The following CLMP variants were observed in gnomAD, a reference collection of about 807,000 sequenced individuals.
CLMP encodes the protein CXADR like cell adhesion molecule.
Under a neutral mutation model 45.2 loss-of-function variants are expected in CLMP, and 27 were observed. The observed-to-expected ratio is 0.60, with a 90% CI of 0.44 to 0.82. The LOEUF is 0.82. CLMP is among the 40% of genes least tolerant of loss of function. The probability of loss-of-function intolerance (pLI) is 0.00; values close to 1 mark genes in which losing one functional copy is unlikely to be tolerated. For missense variants in CLMP, 403 were observed against 448.4 expected, an observed-to-expected ratio of 0.90 and a Z score of 0.91; for synonymous variants, 167 against 171.4, an observed-to-expected ratio of 0.97 and a Z score of 0.20.
At chr11:123,173,734 G>A (rs1271833990) in intron 1 of CLMP, among the ~76,000 whole-genome samples, 1 of 152,078 alleles carries the variant, frequency 6.6e-6, no homozygotes, top group East Asian at 1.9e-4. Flanking sequence ...TCACAGAGCT[G>A]ATAAATAACA....
At chr11:123,076,756 A>G (rs188237266) in intron 5 of CLMP, among the ~76,000 whole-genome samples, 214 of 152,280 alleles carry the variant, frequency 1.4e-3, no homozygotes, top group Non-Finnish European at 2.1e-3. Flanking sequence ...ATGTGAGAGC[A>G]ATAAAAGAGT....
chr11:123,147,811 A>T (rs79485527), intron 1 of CLMP, among the ~76,000 whole-genome samples: 9,977 of 149,058 alleles, frequency 0.067, 546 homozygotes, highest in East Asian at 0.24. Context: ...GGTTAAAGAC[A>T]CTGACTTTTT....
intron 6 of CLMP, among the ~76,000 whole-genome samples, chr11:123,074,169 C>A (rs911069708): frequency 6.9e-6 from 1 of 144,938 alleles, no homozygotes. Context: ...TACATATGTA[C>A]ATACTTTTTT....
chr11:123,121,126 CAAAA>C (rs760887619), intron 1 of CLMP, among the ~76,000 whole-genome samples: 2,787 of 65,306 alleles, frequency 0.043, 85 homozygotes, highest in African/African-American at 0.13. Flanking sequence ...GACTCCGTCT[CAAAA>C]AAAAAAAAAA....
At chr11:123,168,076 T>C (rs1458674864) in intron 1 of CLMP, among the ~76,000 whole-genome samples, 1 of 152,136 alleles carries the variant, frequency 6.6e-6, no homozygotes, top group African/African-American at 2.4e-5. Context: ...AACAAAGGAA[T>C]TGGGACCGGG....
chr11:123,153,027 C>T (rs145310597), intron 1 of CLMP, among the ~76,000 whole-genome samples: 382 of 152,224 alleles, frequency 2.5e-3, no homozygotes, highest in African/African-American at 8.7e-3. Context: ...ATTCTTTTTT[C>T]CTAAAGGTTT....
chr11:123,111,422 T>C lies in CLMP; in HGVS notation c.29-13470A>G, dbSNP rs181610849. On this transcript the variant is annotated intron_variant, in intron 1 of 6. Transcript: ENST00000448775. ...CTGGGATTACAGGTGTGAGCCACCA[T>C]GCCCGGCCATAGTTTTGTTCCATTA... Among the ~76,000 whole-genome samples the C allele has an allele frequency of 1.1e-3, 175 of 152,284 alleles. 1 individual carries two copies. The highest frequency in any genetic ancestry group is 1.6e-4 in the Non-Finnish European group (11 of 68,018).
intron 1 of CLMP, among the ~76,000 whole-genome samples, chr11:123,169,675 G>C (rs1278029390): frequency 1.3e-5 from 2 of 152,186 alleles, no homozygotes; most frequent in African/African-American, 4.8e-5. Flanking sequence ...CCAAATAAGA[G>C]TGACCATGGC....
intron 1 of CLMP, among the ~76,000 whole-genome samples, chr11:123,192,749 A>T (rs1320965984): frequency 6.6e-6 from 1 of 151,942 alleles, no homozygotes; most frequent in Non-Finnish European, 1.5e-5. Context: ...CAGACGATGA[A>T]CACTCTCCAC....
chr11:123,088,337 A>G (rs1865888686), intron 2 of CLMP, among the ~76,000 whole-genome samples: 2 of 152,188 alleles, frequency 1.3e-5, no homozygotes, highest in African/African-American at 4.8e-5. Flanking sequence ...GTCTCCATTC[A>G]AAGACTGAAA....
chr11:123,154,442 C>A (rs911322513), intron 1 of CLMP, among the ~76,000 whole-genome samples: 3 of 152,172 alleles, frequency 2.0e-5, no homozygotes, highest in Non-Finnish European at 4.4e-5. Flanking sequence ...TTTAGGGGTG[C>A]AGAGGGCTTG....
intron 5 of CLMP, among the ~76,000 whole-genome samples, chr11:123,077,881 T>G (rs1476957430): frequency 1.3e-5 from 2 of 152,070 alleles, no homozygotes; most frequent in African/African-American, 4.8e-5. Flanking sequence ...GTGAGGCAGG[T>G]GGATCACTTG....
chr11:123,115,913 C>T (rs1157855845), intron 1 of CLMP, among the ~76,000 whole-genome samples: 1 of 152,090 alleles, frequency 6.6e-6, no homozygotes, highest in African/African-American at 2.4e-5. Flanking sequence ...GGCTCTGACT[C>T]AGGGTCTCTC....
At chr11:123,086,552 C>G (rs1266404000) in intron 2 of CLMP, among the ~76,000 whole-genome samples, 7 of 152,202 alleles carry the variant, frequency 4.6e-5, no homozygotes. Context: ...AAGGTTCTCT[C>G]AATCAGATAA....
intron 1 of CLMP, among the ~76,000 whole-genome samples, chr11:123,151,129 C>A (rs981325476): frequency 2.6e-5 from 4 of 152,226 alleles, no homozygotes; most frequent in Non-Finnish European, 4.4e-5. Context: ...GGAGGACCAG[C>A]GTGCTGTCTG....
At chr11:123,165,072 C>T (rs138175524) in intron 1 of CLMP, among the ~76,000 whole-genome samples, 65 of 152,314 alleles carry the variant, frequency 4.3e-4, no homozygotes, top group South Asian at 1.2e-3. Flanking sequence ...GGACAGGCTA[C>T]GCGTCTGATA....
chr11:123,095,010 T>C (rs752264569), intron 2 of CLMP, among the ~76,000 whole-genome samples: 15 of 152,208 alleles, frequency 9.9e-5, no homozygotes, highest in Non-Finnish European at 1.5e-4. Flanking sequence ...TTCTTCACTA[T>C]TGTATCCTGG....
At chr11:123,101,921 T>C (rs111727295) in intron 1 of CLMP, among the ~76,000 whole-genome samples, 14,883 of 152,232 alleles carry the variant, frequency 0.098, 830 homozygotes, top group East Asian at 0.16. Flanking sequence ...CGGTGGCTCA[T>C]GCCTGTAATC....
chr11:123,173,499 G>A (rs1861662233), intron 1 of CLMP, among the ~76,000 whole-genome samples: 2 of 152,206 alleles, frequency 1.3e-5, no homozygotes, highest in South Asian at 4.1e-4. Flanking sequence ...TGACTGCATA[G>A]TGCCTGGCTC....
Sources: allele counts gnomAD v4.1 joint callset (sites outside exome capture counted in the v4.1 genomes callset), GRCh38; gene constraint gnomAD v4.1.1; transcripts MANE v1.5; gene names NCBI Gene and HGNC (gene_info 2026-07-23, HGNC 2026-07-21).